ASIC2: variants seen among roughly 807,000 people sequenced by gnomAD.
The protein encoded by ASIC2 is acid sensing ion channel subunit 2, also known as acid-sensing ion channel 2.
Under a neutral mutation model 57.3 loss-of-function variants are expected in ASIC2, and 25 were observed. That is an observed-to-expected ratio of 0.44 (90% CI 0.32 to 0.61). The LOEUF (loss-of-function observed/expected upper bound fraction) is 0.61, where lower values mean the gene tolerates loss of function less well. Ranked by LOEUF, ASIC2 falls within the 20% of genes least tolerant of loss-of-function variation. ASIC2 has a pLI of 0.06. For synonymous variants in ASIC2, 319 were observed against 307.5 expected (o/e 1.04, Z -0.39); for missense variants, 641 against 738.1 (o/e 0.87, Z 1.52).
Position 33,718,956 on chromosome 17 carries a change from G to C in ASIC2, c.555+437022C>G, listed in dbSNP as rs73282750. Among the ~76,000 whole-genome samples the C allele has an allele frequency of 5.8e-3, 879 of 152,314 alleles. 10 individuals carry two copies. The highest frequency in any genetic ancestry group is 0.02 in the African/African-American group (832 of 41,574). ...CTGGGTCATCAACCAAAACCTGGAG[G>C]AAGACCCTTGTCAGGCACTGGTCCA... On this transcript the variant is annotated intron_variant, in intron 1 of 9. Transcript: ENST00000359872.
At chr17:33,447,063 A>T (rs767874085) in intron 1 of ASIC2, among the ~76,000 whole-genome samples, 2 of 152,144 alleles carry the variant, frequency 1.3e-5, no homozygotes, top group Non-Finnish European at 2.9e-5. Flanking sequence ...CAGCTAAACA[A>T]ATTTATGGTG....
In ASIC2 at chr17:33,045,375, C is replaced by T. The variant is rs373051757; in HGVS notation, c.988-16983G>A. Among the ~76,000 whole-genome samples, 18 of 152,318 alleles carry T rather than the reference C, an allele frequency of 1.2e-4. No homozygotes were observed. The South Asian group carries it at 1.7e-3, about 14-fold the overall frequency. On this transcript the variant is annotated intron_variant, in intron 3 of 9. Transcript: ENST00000225823. ...CGGGACACAATTTCTTGGGCGAGTGCTGTCAGCGGCGCCGGAAGCATGTTC... is the reference window on the plus strand; with the variant it reads ...CGGGACACAATTTCTTGGGCGAGTGTTGTCAGCGGCGCCGGAAGCATGTTC...
intron 1 of ASIC2, among the ~76,000 whole-genome samples, chr17:33,749,748 C>T (rs1910372897): frequency 6.6e-6 from 1 of 152,152 alleles, no homozygotes; most frequent in Non-Finnish European, 1.5e-5. Flanking sequence ...GTCAGCCCTG[C>T]CTGCTCTCCA....
At chr17:33,332,174 C>G (rs150313094) in intron 1 of ASIC2, among the ~76,000 whole-genome samples, 209 of 152,326 alleles carry the variant, frequency 1.4e-3, no homozygotes, top group Non-Finnish European at 2.5e-3. Flanking sequence ...TTACCTTGGC[C>G]TCTGACTCCC....
At chr17:33,552,351 G>A (rs2141977572) in intron 1 of ASIC2, among the ~76,000 whole-genome samples, 1 of 152,354 alleles carries the variant, frequency 6.6e-6, no homozygotes, top group African/African-American at 2.4e-5. Flanking sequence ...TGGAGGCATG[G>A]AGGGTGGTCA....
chr17:33,967,910 T>C (rs1905119669), intron 1 of ASIC2, among the ~76,000 whole-genome samples: 1 of 152,148 alleles, frequency 6.6e-6, no homozygotes, highest in African/African-American at 2.4e-5. Flanking sequence ...TGTGTGGAAA[T>C]TGTTAAAGCT....
At chr17:33,167,056 C>T (rs1289779241) in intron 1 of ASIC2, among the ~76,000 whole-genome samples, 1 of 152,094 alleles carries the variant, frequency 6.6e-6, no homozygotes, top group African/African-American at 2.4e-5. Context: ...CATAAAGTGC[C>T]CCCTACAGAG....
intron 1 of ASIC2, among the ~76,000 whole-genome samples, chr17:33,320,282 T>A (rs1427103649): frequency 6.6e-6 from 1 of 152,216 alleles, no homozygotes; most frequent in East Asian, 1.9e-4. Context: ...ACTGTCTTTT[T>A]TATTAATGTT....
chr17:33,401,256 C>T lies in ASIC2; in HGVS notation c.556-289189G>A, dbSNP rs375640762. 2.6e-5 allele frequency among the ~76,000 whole-genome samples: 4 copies of T among 152,350 alleles called. No individual in the cohort carries two copies. In the South Asian group the frequency reaches 6.2e-4, roughly 24 times the overall value. On this transcript the variant is annotated intron_variant, in intron 1 of 9. Coordinates refer to the ASIC2 transcript ENST00000359872. ...TTCCCTTGTGTTGGAAGAAGAGAAC[C>T]AGAACTACTGGTAAGCACTACCAAT...
chr17:33,278,644 G>T (rs974749714), intron 1 of ASIC2, among the ~76,000 whole-genome samples: 9 of 152,140 alleles, frequency 5.9e-5, no homozygotes, highest in Non-Finnish European at 7.4e-5. Context: ...TGTGAGGGGA[G>T]GGTCAGCTCC....
chr17:33,748,635 C>T (rs151239145), intron 1 of ASIC2, among the ~76,000 whole-genome samples: 2 of 152,246 alleles, frequency 1.3e-5, no homozygotes, highest in African/African-American at 2.4e-5. Context: ...TGAGATGGCA[C>T]GGTGGTGGCC....
intron 1 of ASIC2, among the ~76,000 whole-genome samples, chr17:34,108,279 C>G (rs2142107646): frequency 6.6e-6 from 1 of 152,196 alleles, no homozygotes; most frequent in South Asian, 2.1e-4. Flanking sequence ...ATATCCTGTT[C>G]ATGCATTTTT....
chr17:34,146,827 G>A lies in ASIC2; in HGVS notation c.555+9151C>T, dbSNP rs367923575. Reference sequence around the variant, plus strand: ...AGATACACTTGCTAATTCACGCATGGAAGACCCAGAGTGTATCACTCCCCT... The same window carrying A: ...AGATACACTTGCTAATTCACGCATGAAAGACCCAGAGTGTATCACTCCCCT... On this transcript the variant is annotated intron_variant, in intron 1 of 9. Coordinates refer to the ASIC2 transcript ENST00000359872. The A allele has an allele frequency of 1.3e-4, 20 of 152,312 alleles. 1 individual carries two copies. The highest frequency in any genetic ancestry group is 4.8e-4 in the African/African-American group (20 of 41,556). The allele number at this position is 152,312 out of a possible 1,614,324, so 9.4% of individuals were successfully genotyped here.
chr17:33,352,400 C>G (rs147406674), intron 1 of ASIC2, among the ~76,000 whole-genome samples: 1 of 152,152 alleles, frequency 6.6e-6, no homozygotes, highest in Non-Finnish European at 1.5e-5. Context: ...GGCTGCCACC[C>G]CCTACATGGG....
chr17:33,845,788 T>C (rs1448576184), intron 1 of ASIC2, among the ~76,000 whole-genome samples: 1 of 152,170 alleles, frequency 6.6e-6, no homozygotes, highest in Non-Finnish European at 1.5e-5. Flanking sequence ...TTATCGTATA[T>C]TGTGACAAGG....
intron 1 of ASIC2, among the ~76,000 whole-genome samples, chr17:33,848,167 C>T (rs1913665156): frequency 6.6e-6 from 1 of 152,122 alleles, no homozygotes; most frequent in South Asian, 2.1e-4. Flanking sequence ...AAGGGCAGCC[C>T]TAGATCAAAG....
intron 1 of ASIC2, among the ~76,000 whole-genome samples, chr17:33,928,066 T>C (rs1915859233): frequency 6.6e-6 from 1 of 152,152 alleles, no homozygotes; most frequent in Non-Finnish European, 1.5e-5. Context: ...AAGAAAAACA[T>C]ATGGGAGAAA....
rs934881383 is a variant in ASIC2, at chr17:33,302,228, C to T, written c.556-190161G>A. On this transcript the variant is annotated intron_variant, in intron 1 of 9. Coordinates refer to the ASIC2 transcript ENST00000359872. The stretch of plus-strand genomic sequence containing the variant: ...CACTTTTCTACCCAATTTGCTGTCC[C>T]ATACACATAACAAAACTCTCGTTAA... Among the ~76,000 whole-genome samples, 3 of 152,186 alleles carry T rather than the reference C, an allele frequency of 2.0e-5. No homozygotes were observed. In the South Asian group the frequency reaches 6.2e-4, roughly 32 times the overall value.
chr17:33,880,006 C>T (rs1371500304), intron 1 of ASIC2, among the ~76,000 whole-genome samples: 2 of 152,178 alleles, frequency 1.3e-5, no homozygotes, highest in Non-Finnish European at 2.9e-5. Flanking sequence ...TGAATGACTA[C>T]TGGGTACATA....
Sources: gnomAD v4.1 joint callset for allele counts (sites outside exome capture counted in the v4.1 genomes callset) on GRCh38, gnomAD v4.1.1 for gene constraint, MANE v1.5 for transcripts, NCBI Gene and HGNC (gene_info 2026-07-23, HGNC 2026-07-21) for gene names.